SOS1: variants seen among roughly 807,000 people sequenced by gnomAD.
SOS1 encodes SOS Ras/Rac guanine nucleotide exchange factor 1, also known as son of sevenless homolog 1.
Under a neutral mutation model 157.6 loss-of-function variants are expected in SOS1, and 25 were observed. That is an observed-to-expected ratio of 0.16 (90% CI 0.12 to 0.22). The LOEUF is 0.22. SOS1 is among the 10% of genes least tolerant of loss of function. The pLI is 1.00. For synonymous variants in SOS1, 528 were observed against 534.0 expected (o/e 0.99, Z 0.16); for missense variants, 1,237 against 1,599.1 (o/e 0.77, Z 3.86).
intron 9 of SOS1, 48 bp downstream of exon 9, chr2:39,023,962 C>T: frequency 2.2e-6 from 3 of 1,393,706 alleles, no homozygotes; most frequent in Non-Finnish European, 3.0e-6. Flanking sequence ...GAATTTACAC[C>T]ACAATATTCA....
intron 6 of SOS1, among the ~76,000 whole-genome samples, chr2:39,035,728 C>T (rs186583099): frequency 0.012 from 1,841 of 152,224 alleles, 84 homozygotes; most frequent in Admixed American, 0.086. Context: ...TATGTTATAA[C>T]AGCTCTCATT....
intron 4 of SOS1, 141 bp downstream of exon 4, chr2:39,056,561 G>C (rs1402032073): frequency 1.5e-6 from 1 of 649,292 alleles, no homozygotes; most frequent in African/African-American, 1.8e-5. Context: ...CTATAAAGTG[G>C]TATCTTGAAT....
intron 1 of SOS1, 33 bp from the exon 2 acceptor site, chr2:39,067,786 G>C: frequency 1.9e-6 from 3 of 1,600,530 alleles, no homozygotes; most frequent in Non-Finnish European, 2.6e-6. Context: ...TTAAAATGTG[G>C]GTTCCATATC....
At chr2:39,072,586 T>C (rs951330322) in intron 1 of SOS1, among the ~76,000 whole-genome samples, 2 of 152,258 alleles carry the variant, frequency 1.3e-5, no homozygotes, top group Non-Finnish European at 2.9e-5. Context: ...ATACTGCTTA[T>C]AATTCTAGCA....
intron 6 of SOS1, among the ~76,000 whole-genome samples, chr2:39,044,162 G>A (rs1217691766): frequency 6.6e-6 from 1 of 152,146 alleles, no homozygotes; most frequent in African/African-American, 2.4e-5. Context: ...TTGGAGACCA[G>A]CCTAGCCATC....
chr2:39,039,921 T>C (rs1199043240), intron 6 of SOS1, among the ~76,000 whole-genome samples: 2 of 152,240 alleles, frequency 1.3e-5, no homozygotes. Context: ...TCATACAATA[T>C]GTAGTCTTTT....
At chr2:39,084,573 T>A (rs1005163159) in intron 1 of SOS1, among the ~76,000 whole-genome samples, 1 of 152,140 alleles carries the variant, frequency 6.6e-6, no homozygotes, top group Non-Finnish European at 1.5e-5. Context: ...AAATTACTCA[T>A]ATTTGTGCAC....
intron 20 of SOS1, chr2:38,993,712 A>G (rs998170910): frequency 3.9e-5 from 6 of 152,232 alleles, no homozygotes; most frequent in Non-Finnish European, 7.3e-5. Context: ...GACTGGGATG[A>G]CAAACCAGAA....
intron 15 of SOS1, among the ~76,000 whole-genome samples, chr2:39,008,663 G>A (rs1669361301): frequency 6.6e-6 from 1 of 152,186 alleles, no homozygotes. Context: ...CTTCAAAGGA[G>A]CCACAATTTG....
chr2:38,990,773 T>A (rs1668708514), intron 20 of SOS1, among the ~76,000 whole-genome samples: 1 of 152,218 alleles, frequency 6.6e-6, no homozygotes, highest in African/African-American at 2.4e-5. Flanking sequence ...TATTTATATA[T>A]AGCACAGGCT....
intron 1 of SOS1, among the ~76,000 whole-genome samples, chr2:39,105,606 T>C (rs1176648684): frequency 6.6e-6 from 1 of 152,108 alleles, no homozygotes; most frequent in African/African-American, 2.4e-5. Flanking sequence ...GTAAATAAAA[T>C]CAAACCAGTG....
intron 14 of SOS1, among the ~76,000 whole-genome samples, 178 bp from the exon 15 acceptor site, chr2:39,010,881 T>C (rs1478742886): frequency 6.9e-6 from 1 of 145,452 alleles, no homozygotes; most frequent in Non-Finnish European, 1.5e-5. Flanking sequence ...TATTTCCTTA[T>C]GGATTTTTTT....
chr2:39,108,413 G>A (rs938478206), intron 1 of SOS1, among the ~76,000 whole-genome samples: 4 of 152,210 alleles, frequency 2.6e-5, no homozygotes, highest in East Asian at 3.9e-4. Flanking sequence ...TGATTCACAC[G>A]ATCTGGCCCC....
At position 39,054,735 on chromosome 2, in the gene SOS1, G is replaced by C. The variant is rs143007609; in HGVS notation, c.599C>G (p.Thr200Ser). ...AAATGCTTTTACCAAATCATAGTAA[G>C]TTTGTTCTCCTGAGGTGGAAGGCTC... Reference protein sequence around the residue: ...DEEPSTSGEQTYYDLVKAFMA... With the variant: ...DEEPSTSGEQSYYDLVKAFMA... Residue 200 changes from threonine (T) to serine (S), a missense_variant, in exon 5 of 23, where the codon ACT becomes AGT. Around this residue, in one of 15 missense-constraint regions of SOS1, gnomAD observed 108 missense variants for 115.3 expected, o/e 0.94. Coordinates refer to ENST00000402219, the MANE Select transcript of SOS1 (RefSeq NM_005633.4). The C allele has an allele frequency of 8.8e-6, 14 of 1,594,270 alleles. No individual in the cohort carries two copies. Among genetic ancestry groups the C allele is most frequent in the Non-Finnish European group, 6.0e-6 (7 of 1,162,160 alleles).
chr2:39,061,198 C>T (rs902066631), intron 2 of SOS1, among the ~76,000 whole-genome samples: 18 of 138,380 alleles, frequency 1.3e-4, no homozygotes, highest in African/African-American at 4.9e-4. Flanking sequence ...CAAATACATA[C>T]TTAGGAGACA....
At chr2:39,016,821 A>G (rs2124524254) in intron 10 of SOS1, among the ~76,000 whole-genome samples, 1 of 152,278 alleles carries the variant, frequency 6.6e-6, no homozygotes, top group Middle Eastern at 3.4e-3. Flanking sequence ...GGACATCAAG[A>G]GGAATTTTAA....
At position 39,035,221 on chromosome 2, in the gene SOS1, T is replaced by C. The variant is rs1191272561; in HGVS notation, c.1065A>G (p.Glu355=). The C allele has an allele frequency of 1.2e-6, 2 of 1,610,176 alleles. No homozygotes were observed. The highest frequency in any genetic ancestry group is 2.2e-5 in the South Asian group (2 of 90,938). The change falls in exon 8 of 23, where the codon GAA becomes GAG. Residue 355 remains glutamate (E), a synonymous_variant. Transcript: ENST00000402219. ...TAAAGAGTTTTCTTACCTTCAAAAG[T>C]TCAAAGTAATGGAGACAGTGGTAAA... ...APVYHCLHYF[E]LLKQLEEKSE...
At chr2:39,070,318 T>C (rs1671752565) in intron 1 of SOS1, among the ~76,000 whole-genome samples, 1 of 152,222 alleles carries the variant, frequency 6.6e-6, no homozygotes. Flanking sequence ...TATTTCTATC[T>C]GGTTCTCAGT....
chr2:39,023,591 C>T (rs1383421705), intron 9 of SOS1, among the ~76,000 whole-genome samples: 1 of 151,952 alleles, frequency 6.6e-6, no homozygotes, highest in African/African-American at 2.4e-5. Flanking sequence ...TTTAAATGGA[C>T]AAGACCCAAA....
Sources: allele counts gnomAD v4.1 joint callset (sites outside exome capture counted in the v4.1 genomes callset), GRCh38; gene constraint gnomAD v4.1.1; regional missense constraint gnomAD v4.1.1; transcripts MANE v1.5; gene names NCBI Gene and HGNC (gene_info 2026-07-23, HGNC 2026-07-21).